DLGAP2: variants seen among roughly 807,000 people sequenced by gnomAD.
DLGAP2 encodes the protein disks large-associated protein 2.
A neutral mutation model predicts 100.3 loss-of-function variants in DLGAP2; 26 were observed. The ratio of observed to expected loss-of-function variants is 0.26; its 90% CI spans 0.19 to 0.36. The LOEUF (loss-of-function observed/expected upper bound fraction) is 0.36. Ranked by LOEUF, DLGAP2 falls within the 10% of genes least tolerant of loss-of-function variation. The pLI, the probability that DLGAP2 is intolerant of heterozygous loss-of-function variation, is 1.00. For synonymous variants in DLGAP2, 886 were observed against 630.1 expected, an observed-to-expected ratio of 1.41 and a Z score of -6.08; for missense variants, 1,858 against 1,453.2, an observed-to-expected ratio of 1.28 and a Z score of -4.53.
chr8:1,149,054 A>T (rs577960129), intron 2 of DLGAP2, among the ~76,000 whole-genome samples: 2 of 152,210 alleles, frequency 1.3e-5, no homozygotes, highest in Admixed American at 6.5e-5. Flanking sequence ...CAATTTTTGC[A>T]TCTGATATTT....
chr8:1,679,238 A>G (rs1336038681), intron 12 of DLGAP2, among the ~76,000 whole-genome samples: 1 of 123,442 alleles, frequency 8.1e-6, no homozygotes, highest in Non-Finnish European at 1.6e-5. Flanking sequence ...TGGAATGGGA[A>G]GGCCGTGTCA....
intron 3 of DLGAP2, among the ~76,000 whole-genome samples, chr8:1,267,570 A>T (rs1305915409): frequency 1.0e-5 from 1 of 99,936 alleles, no homozygotes; most frequent in Non-Finnish European, 2.1e-5. Flanking sequence ...AAATAAAATA[A>T]AATAAAATAA....
intron 6 of DLGAP2, among the ~76,000 whole-genome samples, chr8:1,595,673 CAAA>C (rs760901814): frequency 3.0e-5 from 3 of 98,504 alleles, no homozygotes; most frequent in Admixed American, 1.2e-4. Flanking sequence ...GACTCCGTCT[CAAA>C]AAAAAAAAAA....
intron 6 of DLGAP2, among the ~76,000 whole-genome samples, chr8:1,614,567 C>G (rs527891711): frequency 6.6e-6 from 1 of 152,210 alleles, no homozygotes; most frequent in Non-Finnish European, 1.5e-5. Context: ...TGTGCCCACA[C>G]GAGCTCCGGG....
At chr8:1,508,687 G>C (rs1255406061) in intron 4 of DLGAP2, among the ~76,000 whole-genome samples, 1 of 149,888 alleles carries the variant, frequency 6.7e-6, no homozygotes, top group Non-Finnish European at 1.5e-5. Context: ...GAGTTGGAAG[G>C]AAAAATGGAA....
intron 3 of DLGAP2, among the ~76,000 whole-genome samples, chr8:1,339,183 G>A (rs573419200): frequency 1.2e-3 from 167 of 143,556 alleles, no homozygotes; most frequent in African/African-American, 2.8e-3. Flanking sequence ...TCAGCGAGGC[G>A]TCAGGACGTG....
At chr8:1,178,987 G>A (rs1485966297) in intron 2 of DLGAP2, among the ~76,000 whole-genome samples, 3 of 152,082 alleles carry the variant, frequency 2.0e-5, no homozygotes, top group South Asian at 2.1e-4. Context: ...CCAGCTTTAG[G>A]TCCCTACAGA....
chr8:1,036,593 TG>T (rs1307032746), intron 2 of DLGAP2, among the ~76,000 whole-genome samples: 9 of 152,054 alleles, frequency 5.9e-5, no homozygotes, highest in Admixed American at 6.6e-5. Context: ...TCATGGGGCC[TG>T]GGGGTTATAA....
chr8:1,174,390 T>C (rs888349933), intron 2 of DLGAP2, among the ~76,000 whole-genome samples: 2 of 151,446 alleles, frequency 1.3e-5, no homozygotes, highest in Middle Eastern at 3.2e-3. Flanking sequence ...ATTACCACCA[T>C]CATCATTACC....
chr8:1,683,428 G>T (rs939779789), intron 12 of DLGAP2, among the ~76,000 whole-genome samples: 6 of 151,470 alleles, frequency 4.0e-5, no homozygotes, highest in African/African-American at 1.5e-4. Context: ...GGGAGGGTCT[G>T]TGCTACCTGA....
At chr8:1,033,745 CA>C (rs1802040885) in intron 2 of DLGAP2, among the ~76,000 whole-genome samples, 2 of 146,428 alleles carry the variant, frequency 1.4e-5, no homozygotes, top group African/African-American at 2.5e-5. Context: ...TGGGTTCACA[CA>C]CTCATCCCGA....
rs76365761 is a variant in DLGAP2, at chr8:1,465,824, C to T, written c.107-35542C>T. Among the ~76,000 whole-genome samples the T allele has an allele frequency of 1.7e-3, 260 of 152,288 alleles. No homozygotes were observed. The East Asian group carries it at 0.03, about 18-fold the overall frequency. On this transcript the variant is annotated intron_variant, in intron 3 of 14. Transcript: ENST00000637795. Reference sequence around the variant, plus strand: ...CTGTGCCGCGTTTCTTCCTCAGGGGCGTGAGGTAGGACCCTCTGGGGTGAG... The same window carrying T: ...CTGTGCCGCGTTTCTTCCTCAGGGGTGTGAGGTAGGACCCTCTGGGGTGAG...
chr8:1,506,437 T>C (rs1468518373), intron 4 of DLGAP2, among the ~76,000 whole-genome samples: 1 of 152,214 alleles, frequency 6.6e-6, no homozygotes, highest in African/African-American at 2.4e-5. Context: ...TTGGAGTTTC[T>C]TCCTTCTGGT....
intron 2 of DLGAP2, among the ~76,000 whole-genome samples, chr8:1,176,393 C>T (rs560033730): frequency 1.1e-5 from 1 of 90,832 alleles, no homozygotes; most frequent in East Asian, 3.1e-4. Context: ...ACCATATCAC[C>T]AGAGTTTCTG....
intron 3 of DLGAP2, among the ~76,000 whole-genome samples, chr8:1,462,822 C>A (rs180896688): frequency 8.5e-5 from 13 of 152,344 alleles, no homozygotes; most frequent in East Asian, 5.8e-4. Flanking sequence ...GGCCCCCACA[C>A]GGCGGCGGCT....
intron 2 of DLGAP2, among the ~76,000 whole-genome samples, chr8:1,104,535 T>C (rs1053474241): frequency 1.3e-5 from 2 of 152,222 alleles, no homozygotes; most frequent in African/African-American, 2.4e-5. Flanking sequence ...CTTGACTTAA[T>C]TGATCCTGAA....
chr8:1,443,588 A>G (rs1190635783), intron 3 of DLGAP2, among the ~76,000 whole-genome samples: 1 of 152,220 alleles, frequency 6.6e-6, no homozygotes, highest in Non-Finnish European at 1.5e-5. Context: ...ATGGACTCAC[A>G]GTTCCACACG....
chr8:1,094,249 C>T (rs892665022), intron 2 of DLGAP2, among the ~76,000 whole-genome samples: 10 of 152,216 alleles, frequency 6.6e-5, no homozygotes, highest in East Asian at 1.9e-4. Context: ...ATTTCCAACG[C>T]GAGTAAAGCT....
chr8:1,535,494 A>G (rs953544105), intron 4 of DLGAP2, among the ~76,000 whole-genome samples: 12 of 152,216 alleles, frequency 7.9e-5, no homozygotes, highest in Non-Finnish European at 1.6e-4. Flanking sequence ...TCATGCTGTC[A>G]GATGGGCATG....
Sources: gnomAD v4.1 joint callset for allele counts (sites outside exome capture counted in the v4.1 genomes callset) on GRCh38, gnomAD v4.1.1 for gene constraint, MANE v1.5 for transcripts, NCBI Gene and HGNC (gene_info 2026-07-23, HGNC 2026-07-21) for gene names.